The following HHAT variants were observed in gnomAD, a reference collection of about 807,000 sequenced individuals.
HHAT encodes the protein hedgehog acyltransferase.
HHAT carries 47 observed loss-of-function variants against 70.8 expected under a neutral mutation model. The ratio of observed to expected loss-of-function variants is 0.66; its 90% CI spans 0.53 to 0.85. The LOEUF (loss-of-function observed/expected upper bound fraction) is 0.85. HHAT is among the 40% of genes least tolerant of loss of function. HHAT has a pLI of 0.00. For synonymous variants in HHAT, 228 were observed against 247.6 expected, an observed-to-expected ratio of 0.92 and a Z score of 0.74; for missense variants, 609 against 604.8, an observed-to-expected ratio of 1.01 and a Z score of -0.07.
intron 11 of HHAT, among the ~76,000 whole-genome samples, chr1:210,661,083 A>G (rs1016137478): frequency 1.3e-5 from 2 of 152,246 alleles, no homozygotes; most frequent in Non-Finnish European, 2.9e-5. Flanking sequence ...TAATCAAAGT[A>G]AAGAGCTTCT....
At chr1:210,530,558 G>A (rs1025752053) in intron 9 of HHAT, among the ~76,000 whole-genome samples, 12 of 152,196 alleles carry the variant, frequency 7.9e-5, no homozygotes, top group African/African-American at 2.7e-4. Context: ...GTGGGAATGA[G>A]GAGTACTGAA....
chr1:210,420,629 A>G (rs1276791508), intron 7 of HHAT, among the ~76,000 whole-genome samples: 2 of 152,040 alleles, frequency 1.3e-5, no homozygotes, highest in African/African-American at 2.4e-5. Context: ...CATTGTGCAC[A>G]TGTACCCTAA....
At chr1:210,615,950 A>G (rs1447584049) in intron 10 of HHAT, among the ~76,000 whole-genome samples, 1 of 151,392 alleles carries the variant, frequency 6.6e-6, no homozygotes, top group Non-Finnish European at 1.5e-5. Flanking sequence ...GAGAACCACT[A>G]CTCTCTTCAA....
At chr1:210,562,332 A>G (rs759266008) in intron 9 of HHAT, among the ~76,000 whole-genome samples, 2 of 146,444 alleles carry the variant, frequency 1.4e-5, no homozygotes, top group Non-Finnish European at 3.0e-5. Context: ...ATTAAGGAAT[A>G]TCACACTCAT....
At chr1:210,473,823 C>T (rs1324052079) in intron 8 of HHAT, among the ~76,000 whole-genome samples, 1 of 152,180 alleles carries the variant, frequency 6.6e-6, no homozygotes, top group Non-Finnish European at 1.5e-5. Context: ...TGTCCTACAT[C>T]TGCTGGTCTT....
Position 210,464,545 on chromosome 1 carries a change from G to A in HHAT, c.897G>A (p.Lys299=), listed in dbSNP as rs1254606833. 6.2e-7 allele frequency: 1 copy of A among 1,614,166 alleles called. No homozygotes were observed. The highest frequency in any genetic ancestry group is 8.5e-7 in the Non-Finnish European group (1 of 1,180,024). The change falls in exon 8 of 12, where the codon AAG becomes AAA. Residue 299 remains lysine, a synonymous_variant. Coordinates refer to ENST00000261458, the MANE Select transcript of HHAT (RefSeq NM_018194.6). Reference sequence around the variant, plus strand: ...CCCAGGTGCTCTTTTTCTACGTGAAGTACTTGGTGCTCTTTGGCGTGCCTG... The same window carrying A: ...CCCAGGTGCTCTTTTTCTACGTGAAATACTTGGTGCTCTTTGGCGTGCCTG... ...ALAQVLFFYV[K]YLVLFGVPAL...
At chr1:210,655,247 C>A (rs910565319) in intron 11 of HHAT, among the ~76,000 whole-genome samples, 1 of 152,146 alleles carries the variant, frequency 6.6e-6, no homozygotes, top group Non-Finnish European at 1.5e-5. Flanking sequence ...GCTGCCTGAA[C>A]AGAAAGCATG....
At chr1:210,654,092 CA>C (rs1675823065) in intron 11 of HHAT, among the ~76,000 whole-genome samples, 2 of 118 alleles carry the variant, frequency 0.017, no homozygotes, top group Non-Finnish European at 0.031. Flanking sequence ...AGTAGTGTGA[CA>C]GGAATAGTGT....
chr1:210,392,846 A>G (rs542311594), intron 4 of HHAT, among the ~76,000 whole-genome samples: 1 of 152,256 alleles, frequency 6.6e-6, no homozygotes, highest in African/African-American at 2.4e-5. Context: ...GACTGATATT[A>G]ATAACCTGTT....
At chr1:210,614,931 A>G (rs1237195625) in intron 10 of HHAT, among the ~76,000 whole-genome samples, 2 of 152,190 alleles carry the variant, frequency 1.3e-5, no homozygotes, top group African/African-American at 2.4e-5. Flanking sequence ...ATGCCTAGTA[A>G]TGGGATGGCT....
At chr1:210,529,417 C>T (rs1450011235) in intron 9 of HHAT, among the ~76,000 whole-genome samples, 1 of 151,736 alleles carries the variant, frequency 6.6e-6, no homozygotes, top group African/African-American at 2.4e-5. Context: ...GGGATATCAA[C>T]GTGGTACTGA....
In HHAT at chr1:210,464,578, C is replaced by T. The variant is rs1364790464; in HGVS notation, c.930C>T (p.Leu310=). ...TGCTCTTTGGCGTGCCTGCTCTGCT[C>T]ATGCGCCTGGATGGACTCACTCCAC... ...YLVLFGVPAL[L]MRLDGLTPPA... is the part of the protein sequence containing the mutation. The change falls in exon 8 of 12, where the codon CTC becomes CTT. Residue 310 remains leucine, a synonymous_variant. Coordinates refer to ENST00000261458, the MANE Select transcript of HHAT (RefSeq NM_018194.6). The T allele has an allele frequency of 1.9e-6, 3 of 1,614,042 alleles. No individual in the cohort carries two copies. The highest frequency in any genetic ancestry group is 8.5e-7 in the Non-Finnish European group (1 of 1,180,016).
chr1:210,531,995 A>T (rs1157290796), intron 9 of HHAT, among the ~76,000 whole-genome samples: 1 of 152,216 alleles, frequency 6.6e-6, no homozygotes, highest in Non-Finnish European at 1.5e-5. Context: ...TTCAAAATGT[A>T]TGTGGACTAG....
intron 9 of HHAT, among the ~76,000 whole-genome samples, chr1:210,546,897 A>G (rs1441813262): frequency 6.6e-6 from 1 of 152,214 alleles, no homozygotes; most frequent in Non-Finnish European, 1.5e-5. Context: ...GAGTGGAGAC[A>G]GAACAGCTTG....
chr1:210,453,642 A>G (rs2093801178), intron 7 of HHAT, among the ~76,000 whole-genome samples: 1 of 152,172 alleles, frequency 6.6e-6, no homozygotes, highest in Non-Finnish European at 1.5e-5. Flanking sequence ...TCTTAGATGC[A>G]GAAAATACTT....
chr1:210,529,410 A>T (rs1369316755), intron 9 of HHAT, among the ~76,000 whole-genome samples: 1 of 151,958 alleles, frequency 6.6e-6, no homozygotes, highest in Non-Finnish European at 1.5e-5. Context: ...AGAAGCGGGG[A>T]TATCAACGTG....
At chr1:210,445,382 T>G (rs1461123252) in intron 7 of HHAT, among the ~76,000 whole-genome samples, 1 of 152,180 alleles carries the variant, frequency 6.6e-6, no homozygotes, top group Non-Finnish European at 1.5e-5. Context: ...TTTGAAAGCT[T>G]ACCGTATTAT....
intron 8 of HHAT, among the ~76,000 whole-genome samples, chr1:210,491,721 G>A (rs142927023): frequency 3.9e-5 from 6 of 152,090 alleles, no homozygotes; most frequent in South Asian, 2.1e-4. Flanking sequence ...CTTCCCTACC[G>A]GCATTCACCT....
intron 8 of HHAT, among the ~76,000 whole-genome samples, chr1:210,483,231 G>A (rs1004696850): frequency 6.6e-6 from 1 of 152,114 alleles, no homozygotes; most frequent in Non-Finnish European, 1.5e-5. Flanking sequence ...GGAGAGTGTT[G>A]GGACTATTCA....
Sources: allele counts gnomAD v4.1 joint callset (sites outside exome capture counted in the v4.1 genomes callset), GRCh38; gene constraint gnomAD v4.1.1; transcripts MANE v1.5; gene names NCBI Gene and HGNC (gene_info 2026-07-23, HGNC 2026-07-21).